Variants in ARHGAP26 observed in about 807,000 individuals in gnomAD.
ARHGAP26 encodes the protein Rho GTPase activating protein 26.
In ARHGAP26, 38 loss-of-function variants were observed where a neutral mutation model predicts 104.8. The observed-to-expected ratio is 0.36, with a 90% CI of 0.28 to 0.48. The LOEUF (loss-of-function observed/expected upper bound fraction) is 0.48, where lower values mean the gene tolerates loss of function less well. Among genes scored for constraint, ARHGAP26 ranks in the 20% least tolerant of loss-of-function variants. The pLI, the probability that ARHGAP26 is intolerant of heterozygous loss-of-function variation, is 0.99. For synonymous variants in ARHGAP26, 341 were observed against 340.0 expected (o/e 1.00, Z -0.03); for missense variants, 704 against 947.9 (o/e 0.74, Z 3.38).
intron 9 of ARHGAP26, among the ~76,000 whole-genome samples, chr5:142,908,006 C>T (rs931443307): frequency 6.6e-6 from 1 of 152,152 alleles, no homozygotes; most frequent in African/African-American, 2.4e-5. Flanking sequence ...ACTCTTAGCT[C>T]TAACTTACGT....
chr5:142,930,930 G>A (rs752881688), intron 10 of ARHGAP26, among the ~76,000 whole-genome samples: 1 of 152,178 alleles, frequency 6.6e-6, no homozygotes, highest in Non-Finnish European at 1.5e-5. Context: ...TGCATATGGG[G>A]CCCAGGCTTG....
At position 142,791,695 on chromosome 5, in the gene ARHGAP26, A is replaced by G. The variant is rs528791749; in HGVS notation, c.154+20780A>G. Reference sequence around the variant, plus strand: ...AGGTGTTAAGTTGGCTGGGCATGGTAGCTCATACCTGTAATCCCAGCACTT... The same window carrying G: ...AGGTGTTAAGTTGGCTGGGCATGGTGGCTCATACCTGTAATCCCAGCACTT... On this transcript the variant is annotated intron_variant, in intron 1 of 22. Transcript: ENST00000645722. Among the ~76,000 whole-genome samples the G allele has an allele frequency of 2.0e-5, 3 of 152,148 alleles. No individual in the cohort carries two copies. The East Asian group carries it at 5.8e-4, about 29-fold the overall frequency.
chr5:142,799,819 G>A (rs2151953859), intron 1 of ARHGAP26, among the ~76,000 whole-genome samples: 1 of 152,306 alleles, frequency 6.6e-6, no homozygotes, highest in Middle Eastern at 3.4e-3. Flanking sequence ...CATTCATGAG[G>A]GCGGAGCCCC....
chr5:143,004,682 C>T (rs1413249235), intron 11 of ARHGAP26, among the ~76,000 whole-genome samples: 1 of 152,182 alleles, frequency 6.6e-6, no homozygotes, highest in African/African-American at 2.4e-5. Context: ...CCCTTTGTCA[C>T]ATCACTGCCC....
intron 11 of ARHGAP26, among the ~76,000 whole-genome samples, chr5:143,001,692 G>C (rs1057086726): frequency 6.6e-6 from 1 of 152,248 alleles, no homozygotes; most frequent in East Asian, 1.9e-4. Context: ...GACCCACACA[G>C]AGTGCAGAAT....
At chr5:142,902,925 A>AG (rs1205436134) in intron 7 of ARHGAP26, among the ~76,000 whole-genome samples, 1 of 152,110 alleles carries the variant, frequency 6.6e-6, no homozygotes, top group Non-Finnish European at 1.5e-5. Context: ...GGACTCGCAG[A>AG]GGGGGAAATA....
chr5:142,838,278 A>G (rs560952829), intron 1 of ARHGAP26, among the ~76,000 whole-genome samples: 3 of 152,166 alleles, frequency 2.0e-5, no homozygotes, highest in South Asian at 4.1e-4. Context: ...AAAAAAAGTT[A>G]AGGGTAAAAT....
At chr5:143,178,898 C>G (rs77946854) in intron 20 of ARHGAP26, among the ~76,000 whole-genome samples, 2 of 151,424 alleles carry the variant, frequency 1.3e-5, no homozygotes, top group East Asian at 3.9e-4. Flanking sequence ...TCCAAGGAGT[C>G]TCACTCTATC....
intron 11 of ARHGAP26, among the ~76,000 whole-genome samples, chr5:142,961,540 A>G (rs1422552893): frequency 6.6e-6 from 1 of 152,168 alleles, no homozygotes; most frequent in Non-Finnish European, 1.5e-5. Flanking sequence ...CATTGTCACT[A>G]AGGAAAATCA....
intron 1 of ARHGAP26, among the ~76,000 whole-genome samples, chr5:142,821,327 T>C (rs964054983): frequency 8.1e-6 from 1 of 123,034 alleles, no homozygotes; most frequent in African/African-American, 3.6e-5. Flanking sequence ...TTTTTTTTTT[T>C]AAACTTGGCA....
chr5:142,835,767 TA>T (rs1407518578), intron 1 of ARHGAP26, among the ~76,000 whole-genome samples: 2 of 152,208 alleles, frequency 1.3e-5, no homozygotes, highest in African/African-American at 2.4e-5. Flanking sequence ...TGATACATAA[TA>T]AAAACCCAAT....
intron 17 of ARHGAP26, among the ~76,000 whole-genome samples, chr5:143,087,662 T>TTTTG (rs1790797248): frequency 7.1e-6 from 1 of 141,634 alleles, no homozygotes; most frequent in African/African-American, 2.7e-5. Context: ...TTTTTTTTTT[T>TTTTG]GAGACGGAGT....
At chr5:143,033,865 A>T (rs894087951) in intron 12 of ARHGAP26, among the ~76,000 whole-genome samples, 1 of 152,220 alleles carries the variant, frequency 6.6e-6, no homozygotes. Context: ...TCACCTGACT[A>T]TTGAATCGTA....
chr5:143,084,450 G>C (rs371580954), intron 17 of ARHGAP26, among the ~76,000 whole-genome samples: 12 of 152,292 alleles, frequency 7.9e-5, no homozygotes, highest in East Asian at 5.8e-4. Context: ...AATGCATGGG[G>C]TGCTTATGGG....
intron 20 of ARHGAP26, among the ~76,000 whole-genome samples, chr5:143,174,659 T>G (rs1803233776): frequency 6.6e-6 from 1 of 152,206 alleles, no homozygotes; most frequent in Admixed American, 6.5e-5. Flanking sequence ...TGAAACATAT[T>G]CATATAATTT....
At chr5:142,995,021 G>C (rs1211157012) in intron 11 of ARHGAP26, among the ~76,000 whole-genome samples, 2 of 152,152 alleles carry the variant, frequency 1.3e-5, no homozygotes, top group African/African-American at 2.4e-5. Context: ...AACTCCAGAT[G>C]GATTAAAGAC....
chr5:143,116,588 G>A (rs1562455895), intron 17 of ARHGAP26, among the ~76,000 whole-genome samples: 1 of 152,120 alleles, frequency 6.6e-6, no homozygotes, highest in Non-Finnish European at 1.5e-5. Flanking sequence ...ACAGCCTGGG[G>A]GTCTCTGCCT....
chr5:143,222,220 T>G lies in ARHGAP26; in HGVS notation c.2192-138T>G, dbSNP rs1211833740. On this transcript the variant is annotated intron_variant, in intron 22 of 22. Coordinates refer to ENST00000645722, the MANE Select transcript of ARHGAP26 (RefSeq NM_001135608.3). ...AGAATGATGTAACTTAATAAGTGAT[T>G]GTACTCATTGTCCAAGCTTCCTTCA... 3 of 475,356 alleles carry G rather than the reference T, an allele frequency of 6.3e-6. No homozygotes were observed. In the East Asian group the frequency reaches 9.6e-5, roughly 15 times the overall value. The allele number at this position is 475,356 out of a possible 1,614,324, so 29.4% of individuals were successfully genotyped here. A position where few individuals can be genotyped will look rare whatever the true frequency, so the allele number is the denominator to read the frequency against.
intron 1 of ARHGAP26, among the ~76,000 whole-genome samples, chr5:142,803,084 G>A (rs1261645252): frequency 2.6e-5 from 4 of 152,174 alleles, no homozygotes; most frequent in African/African-American, 9.6e-5. Flanking sequence ...TTTCTGGTCT[G>A]CATAGTTTCT....
Sources: allele counts gnomAD v4.1 joint callset (sites outside exome capture counted in the v4.1 genomes callset), GRCh38; gene constraint gnomAD v4.1.1; transcripts MANE v1.5; gene names NCBI Gene and HGNC (gene_info 2026-07-23, HGNC 2026-07-21).